Variants in CATSPERD observed in about 807,000 individuals in gnomAD.
CATSPERD encodes catsper channel auxiliary subunit delta, also known as cation channel sperm-associated auxiliary subunit delta.
A neutral mutation model predicts 98.1 loss-of-function variants in CATSPERD; 86 were observed. The ratio of observed to expected loss-of-function variants is 0.88; its 90% confidence interval spans 0.74 to 1.05. The LOEUF (loss-of-function observed/expected upper bound fraction) is 1.05. CATSPERD is among the 50% of genes least tolerant of loss of function. CATSPERD has a pLI of 0.00. For synonymous variants in CATSPERD, 394 were observed against 390.2 expected (o/e 1.01, Z -0.12); for missense variants, 995 against 1,005.7 (o/e 0.99, Z 0.14).
intron 5 of CATSPERD, among the ~76,000 whole-genome samples, chr19:5,736,221 C>A (rs990970389): frequency 2.0e-5 from 3 of 151,920 alleles, no homozygotes; most frequent in African/African-American, 7.3e-5. Context: ...CAACTGGGGG[C>A]AGTTCTGTCC....
Position 5,751,829 on chromosome 19 carries a change from T to A in CATSPERD, c.1164+6T>A, listed in dbSNP as rs1479647284. 1 of 1,606,010 alleles carries A rather than the reference T, an allele frequency of 6.2e-7. No individual in the cohort carries two copies. The highest frequency in any genetic ancestry group is 1.1e-5 in the South Asian group (1 of 90,644). ...TCCACGTTGGAAAGTGCAAGGTATG[T>A]GATCCTAACTGTTTTGATCAATGTT... On this transcript the variant is annotated splice_donor_region_variant and intron_variant, in intron 12 of 21. Transcript: ENST00000381624.
chr19:5,756,453 T>TA (rs1445890864), intron 13 of CATSPERD, among the ~76,000 whole-genome samples: 2 of 152,144 alleles, frequency 1.3e-5, no homozygotes, highest in African/African-American at 4.8e-5. Context: ...AATTATACAC[T>TA]AAAGGTGGGT....
chr19:5,762,599 G>A (rs1374841776), intron 15 of CATSPERD, among the ~76,000 whole-genome samples: 1 of 152,066 alleles, frequency 6.6e-6, no homozygotes, highest in Non-Finnish European at 1.5e-5. Flanking sequence ...ATGGTTGGGT[G>A]GATGGGTGGA....
chr19:5,720,954 C>G (rs866463466), intron 1 of CATSPERD, 146 bp downstream of exon 1: 7 of 619,442 alleles, frequency 1.1e-5, no homozygotes, highest in African/African-American at 5.6e-5. Context: ...CTCGCTCACC[C>G]TACTCCACCC....
At position 5,739,434 on chromosome 19, in the gene CATSPERD, A is replaced by G. The variant is rs1306432270; in HGVS notation, c.568A>G (p.Arg190Gly). 2 of 1,466,444 alleles carry G rather than the reference A, an allele frequency of 1.4e-6. No individual in the cohort carries two copies. Among genetic ancestry groups the G allele is most frequent in the Non-Finnish European group, 1.9e-6 (2 of 1,064,874 alleles). The allele number at this position is 1,466,444 out of a possible 1,614,324, so 90.8% of individuals were successfully genotyped here. Residue 190 changes from arginine (R) to glycine (G), a missense_variant, in exon 7 of 22, where the codon AGA becomes GGA. Physicochemically the swap from Arg to Gly is moderately radical, Grantham distance 125 (BLOSUM62 -2). Around this residue, in one of 3 missense-constraint regions of CATSPERD, gnomAD observed 762 missense variants for 773.7 expected, o/e 0.98. Coordinates refer to ENST00000381624, the MANE Select transcript of CATSPERD (RefSeq NM_152784.4). ...GFSFWKYHYD[R>G]QAEIIGSLGG... Reference sequence around the variant, plus strand: ...CAGTTTTTGGAAGTATCACTATGACAGACAGGTATGTTAAATTTGGTAAGA... The same window carrying G: ...CAGTTTTTGGAAGTATCACTATGACGGACAGGTATGTTAAATTTGGTAAGA...
intron 20 of CATSPERD, 83 bp from the exon 21 acceptor site, chr19:5,776,078 G>T (rs1050487006): frequency 1.4e-6 from 2 of 1,473,768 alleles, no homozygotes; most frequent in East Asian, 2.3e-5. Flanking sequence ...TGGGGTGGGT[G>T]CAGGGCCTCC....
At position 5,778,436 on chromosome 19, in the gene CATSPERD, G is replaced by C; in HGVS notation, c.2157G>C (p.Leu719=). Residue 719 remains leucine, a synonymous_variant, in exon 22 of 22, where the codon CTG becomes CTC. Coordinates refer to ENST00000381624, the MANE Select transcript of CATSPERD (RefSeq NM_152784.4). ...IYVYGAFPVQ[L]VSAGVVILLI... ...TGTATGGAGCATTCCCCGTGCAGCT[G>C]GTCTCTGCTGGAGTCGTCATCCTAC... The C allele has an allele frequency of 1.2e-6, 2 of 1,613,930 alleles. No individual in the cohort carries two copies. Among genetic ancestry groups the C allele is most frequent in the Non-Finnish European group, 1.7e-6 (2 of 1,180,014 alleles).
In CATSPERD at chr19:5,742,145, TACGTGTGTGA is replaced by T. The variant is rs756595052; in HGVS notation, c.574-2272_574-2263del. Among the ~76,000 whole-genome samples the T allele has an allele frequency of 1.2e-4, 16 of 133,824 alleles. No individual in the cohort carries two copies. In the South Asian group the frequency reaches 2.1e-3, roughly 18 times the overall value. 87.8% of individuals were successfully genotyped at this position (133,824 alleles called of 152,430 possible). On this transcript the variant is annotated intron_variant, in intron 7 of 21. Coordinates refer to ENST00000381624, the MANE Select transcript of CATSPERD (RefSeq NM_152784.4). The stretch of plus-strand genomic sequence containing the variant: ...TTGTGTGTGCGTGTGTGCGCGTGTG[TACGTGTGTGA>T]ACGTGTGTGTGCGTGTGTGTATGTA...
At chr19:5,775,940 C>T (rs914494118) in intron 20 of CATSPERD, among the ~76,000 whole-genome samples, 6 of 152,144 alleles carry the variant, frequency 3.9e-5, no homozygotes, top group African/African-American at 1.4e-4. Context: ...AATCTTTCGG[C>T]CTCCAACAGA....
intron 12 of CATSPERD, chr19:5,753,809 G>C: frequency 3.6e-6 from 1 of 279,310 alleles, no homozygotes; most frequent in South Asian, 4.5e-5. Flanking sequence ...GGAGGTCAAG[G>C]CTGCAGTGAG....
intron 17 of CATSPERD, among the ~76,000 whole-genome samples, chr19:5,766,920 T>C (rs891278041): frequency 4.0e-5 from 6 of 151,754 alleles, no homozygotes; most frequent in African/African-American, 9.7e-5. Flanking sequence ...CTCCAAATCC[T>C]GACCTCAAGT....
At chr19:5,727,392 T>A in intron 3 of CATSPERD, 48 bp downstream of exon 3, 3 of 1,314,138 alleles carry the variant, frequency 2.3e-6, no homozygotes, top group Non-Finnish European at 3.2e-6. Flanking sequence ...AATTAAATCT[T>A]TAGATTTGCC....
intron 4 of CATSPERD, among the ~76,000 whole-genome samples, chr19:5,730,752 C>G (rs1349685325): frequency 6.6e-6 from 1 of 151,924 alleles, no homozygotes; most frequent in African/African-American, 2.4e-5. Flanking sequence ...GTGGCTCACG[C>G]CTGTAATCCC....
intron 20 of CATSPERD, among the ~76,000 whole-genome samples, chr19:5,775,863 T>C (rs1037686502): frequency 2.0e-5 from 3 of 152,098 alleles, no homozygotes; most frequent in Non-Finnish European, 4.4e-5. Flanking sequence ...AACATTCTGC[T>C]TTTATGAGAA....
chr19:5,762,095 A>C (rs2056452540), intron 15 of CATSPERD, among the ~76,000 whole-genome samples: 1 of 69,160 alleles, frequency 1.4e-5, no homozygotes, highest in African/African-American at 5.3e-5. Context: ...ACACAGTTTC[A>C]CTCTGTCGCC....
chr19:5,721,657 A>G (rs777528727), intron 1 of CATSPERD, among the ~76,000 whole-genome samples: 26 of 151,582 alleles, frequency 1.7e-4, no homozygotes, highest in Non-Finnish European at 3.4e-4. Context: ...CCTTAACCTT[A>G]TTTTATTTTA....
intron 1 of CATSPERD, 91 bp downstream of exon 1, chr19:5,720,899 C>A (rs2055448197): frequency 3.0e-6 from 3 of 995,516 alleles, no homozygotes; most frequent in South Asian, 3.1e-5. Context: ...TCCCCAACCT[C>A]ACTGAGGCTC....
chr19:5,763,581 G>A (rs1010009284), intron 16 of CATSPERD, among the ~76,000 whole-genome samples: 2 of 152,108 alleles, frequency 1.3e-5, no homozygotes, highest in Admixed American at 6.6e-5. Context: ...TCCGCTCTTA[G>A]GAGGTCCCTA....
chr19:5,772,214 ATTTTTTTTTTTT>A (rs35847357), intron 19 of CATSPERD: 9,008 of 153,528 alleles, frequency 0.059, 173 homozygotes, highest in East Asian at 0.24. Flanking sequence ...TGCCCGGTTA[ATTTTTTTTTTTT>A]TTTTTTTTTT....
Sources: gnomAD v4.1 joint callset for allele counts (sites outside exome capture counted in the v4.1 genomes callset) on GRCh38, gnomAD v4.1.1 for gene constraint, gnomAD v4.1.1 regional missense constraint, MANE v1.5 for transcripts, NCBI Gene and HGNC (gene_info 2026-07-23, HGNC 2026-07-21) for gene names.